Variants in BAZ2B observed in about 807,000 individuals in gnomAD.
BAZ2B encodes the protein bromodomain adjacent to zinc finger domain protein 2B.
BAZ2B carries 91 observed loss-of-function variants against 246.0 expected under a neutral mutation model. The observed-to-expected ratio is 0.37, with a 90% CI of 0.31 to 0.44. The LOEUF (loss-of-function observed/expected upper bound fraction) is 0.44. Among genes scored for constraint, BAZ2B ranks in the 20% least tolerant of loss-of-function variants. The pLI is 1.00. For synonymous variants in BAZ2B, 855 were observed against 860.0 expected (o/e 0.99, Z 0.10); for missense variants, 2,332 against 2,533.7 (o/e 0.92, Z 1.71).
intron 13 of BAZ2B, among the ~76,000 whole-genome samples, chr2:159,415,336 T>C (rs1414080267): frequency 6.6e-6 from 1 of 151,092 alleles, no homozygotes; most frequent in Non-Finnish European, 1.5e-5. Context: ...TCCCAGCTAC[T>C]TGGGAGGCTG....
intron 1 of BAZ2B, among the ~76,000 whole-genome samples, chr2:159,593,104 T>C (rs1264333822): frequency 6.6e-6 from 1 of 152,132 alleles, no homozygotes; most frequent in Non-Finnish European, 1.5e-5. Context: ...CCCAACTCCA[T>C]ATGAAAACTA....
chr2:159,373,002 T>G (rs546754150), intron 27 of BAZ2B, 43 bp downstream of exon 27: 5 of 1,551,730 alleles, frequency 3.2e-6, no homozygotes, highest in Non-Finnish European at 4.4e-6. Context: ...TTAAAATATA[T>G]AGTTTCTTAT....
At position 159,601,734 on chromosome 2, in the gene BAZ2B, A is replaced by AT. The variant is rs368137750; in HGVS notation, c.-46+14507_-46+14508insA. ...GAAACTCTGTCTCAAAATAAAAAAA[A>AT]AGATAGAAATAGATGCATGCTTGCT... On this transcript the variant is annotated intron_variant, in intron 1 of 36. Coordinates refer to ENST00000392783, the MANE Select transcript of BAZ2B (RefSeq NM_013450.4). Among the ~76,000 whole-genome samples the AT allele has an allele frequency of 2.7e-3, 405 of 152,312 alleles. 2 individuals are homozygous for AT. Among genetic ancestry groups the AT allele is most frequent in the African/African-American group, 9.2e-3 (382 of 41,564 alleles).
intron 13 of BAZ2B, among the ~76,000 whole-genome samples, chr2:159,418,945 T>C (rs934288515): frequency 7.9e-5 from 12 of 152,204 alleles, no homozygotes; most frequent in Non-Finnish European, 2.9e-5. Flanking sequence ...GTGGGGTATG[T>C]TTTAAATCTG....
Position 159,490,705 on chromosome 2 carries a change from A to T in BAZ2B, c.-2-11984T>A, listed in dbSNP as rs560379295. ...ACCTGGCTATTTTTTTTTTATTTTT[A>T]TTTTTGAAGAGATGGGATCTCCCTA... On this transcript the variant is annotated intron_variant, in intron 2 of 36. Transcript: ENST00000392783. Among the ~76,000 whole-genome samples the T allele has an allele frequency of 4.0e-3, 598 of 151,186 alleles. 1 individual carries two copies. Among genetic ancestry groups the T allele is most frequent in the Non-Finnish European group, 6.5e-3 (441 of 67,726 alleles).
At chr2:159,338,278 T>C (rs2066004079) in intron 31 of BAZ2B, among the ~76,000 whole-genome samples, 1 of 152,226 alleles carries the variant, frequency 6.6e-6, no homozygotes, top group Admixed American at 6.5e-5. Context: ...ATAGGTCTCA[T>C]GTTAAGATTC....
chr2:159,506,780 CACAA>C (rs1170201512), intron 2 of BAZ2B, among the ~76,000 whole-genome samples: 2 of 152,292 alleles, frequency 1.3e-5, no homozygotes, highest in Admixed American at 1.3e-4. Flanking sequence ...CTTTTGGGAT[CACAA>C]ACAAATAATA....
chr2:159,376,864 TG>T (rs1232684287), intron 25 of BAZ2B, among the ~76,000 whole-genome samples: 1 of 152,074 alleles, frequency 6.6e-6, no homozygotes, highest in African/African-American at 2.4e-5. Context: ...AAAAAAACCT[TG>T]GAAGAATAGA....
At chr2:159,385,069 C>A in intron 23 of BAZ2B, 86 bp downstream of exon 23, 1 of 1,401,426 alleles carries the variant, frequency 7.1e-7, no homozygotes, top group Admixed American at 1.9e-5. Flanking sequence ...TGTAACTTTC[C>A]AATTTTCTAT....
the BAZ2B span, among the ~76,000 whole-genome samples, chr2:159,664,128 T>C: frequency 1.0e-4 from 3 of 29,978 alleles, no homozygotes; most frequent in Non-Finnish European, 1.9e-4. Context: ...TATGCGGTGT[T>C]TGGTTTTTTG....
chr2:159,379,606 T>C (rs1326994573), intron 25 of BAZ2B, among the ~76,000 whole-genome samples: 2 of 152,206 alleles, frequency 1.3e-5, no homozygotes, highest in African/African-American at 4.8e-5. Flanking sequence ...GTACTCATGA[T>C]ATTTTTACTT....
the BAZ2B span, among the ~76,000 whole-genome samples, chr2:159,676,726 A>G: frequency 1.3e-5 from 2 of 151,806 alleles, no homozygotes; most frequent in Non-Finnish European, 2.9e-5. Context: ...TCATAAAGAC[A>G]GAAAGTAGAT....
At chr2:159,699,063 A>G in the BAZ2B span, among the ~76,000 whole-genome samples, 19 of 152,334 alleles carry the variant, frequency 1.2e-4, no homozygotes, top group African/African-American at 4.6e-4. Context: ...GTAATCCTGG[A>G]TACCAGAAGT....
At chr2:159,518,093 T>C (rs1299262955) in intron 2 of BAZ2B, among the ~76,000 whole-genome samples, 1 of 152,190 alleles carries the variant, frequency 6.6e-6, no homozygotes, top group African/African-American at 2.4e-5. Context: ...AACAAAATTT[T>C]AAATCAGAAA....
chr2:159,351,025 T>C (rs1422293438), intron 27 of BAZ2B, among the ~76,000 whole-genome samples: 1 of 152,124 alleles, frequency 6.6e-6, no homozygotes, highest in Non-Finnish European at 1.5e-5. Context: ...ACCTGCACAT[T>C]GTGCACATGT....
the BAZ2B span, among the ~76,000 whole-genome samples, chr2:159,641,849 T>C: frequency 1.3e-5 from 2 of 152,204 alleles, no homozygotes; most frequent in South Asian, 2.1e-4. Context: ...TCAAATATAA[T>C]ATTATTTTCA....
intron 16 of BAZ2B, 41 bp from the exon 17 acceptor site, chr2:159,400,705 C>G (rs750314128): frequency 1.3e-5 from 15 of 1,170,792 alleles, no homozygotes; most frequent in Non-Finnish European, 1.8e-5. Context: ...ATAAAATAAA[C>G]TATCTGAGTA....
chr2:159,495,809 G>A (rs1040653531), intron 2 of BAZ2B, among the ~76,000 whole-genome samples: 1 of 148,342 alleles, frequency 6.7e-6, no homozygotes, highest in Non-Finnish European at 1.5e-5. Context: ...TCGCTCTGTT[G>A]CCCAGGCTGC....
chr2:159,378,777 C>T (rs2061675176), intron 25 of BAZ2B, among the ~76,000 whole-genome samples: 1 of 151,960 alleles, frequency 6.6e-6, no homozygotes, highest in Admixed American at 6.6e-5. Flanking sequence ...GGTAATTACT[C>T]TCAAAAAGAA....
Sources: gnomAD v4.1 joint callset for allele counts (sites outside exome capture counted in the v4.1 genomes callset) on GRCh38, gnomAD v4.1.1 for gene constraint, MANE v1.5 for transcripts, NCBI Gene and HGNC (gene_info 2026-07-23, HGNC 2026-07-21) for gene names.